Variants in MALAT1 observed in about 807,000 individuals in gnomAD.
The protein encoded by MALAT1 is hepcarcin.
chr11:65,497,743 C>T (rs768419261), exon 1 of MALAT1: 25 of 418,178 alleles, frequency 6.0e-5, no homozygotes, highest in Admixed American at 3.3e-4. Flanking sequence ...CCCTCCGCAG[C>T]CTGCAGCCCG....
At chr11:65,498,589 T>C (rs1041634314) in intron 1 of MALAT1, 1 of 518,694 alleles carries the variant, frequency 1.9e-6, no homozygotes, top group South Asian at 1.4e-5. Context: ...TCCGCCATTT[T>C]GCCACTTCTC....
chr11:65,500,025 G>A (rs1465468047), exon 3 of MALAT1: 1 of 429,650 alleles, frequency 2.3e-6, no homozygotes, highest in African/African-American at 2.1e-5. Context: ...TATTTTAAAA[G>A]CCCATCAATT....
exon 3 of MALAT1, chr11:65,501,844 GA>G (rs1565053181): frequency 1.9e-6 from 1 of 517,622 alleles, no homozygotes; most frequent in South Asian, 1.4e-5. Flanking sequence ...TATTAAAGGG[GA>G]GGGGCAAATA....
At chr11:65,498,018 T>C (rs763536601) in intron 1 of MALAT1, 5 of 518,862 alleles carry the variant, frequency 9.6e-6, no homozygotes, top group African/African-American at 5.8e-5. Flanking sequence ...AGTTTGGTCT[T>C]GGGGTTTGGA....
exon 3 of MALAT1, chr11:65,499,014 C>A (rs760118825): frequency 9.6e-6 from 5 of 518,690 alleles, no homozygotes; most frequent in Middle Eastern, 6.3e-4. Flanking sequence ...TGTTCTCCGT[C>A]TATAAATACG....
chr11:65,499,320 T>G (rs747140887), exon 3 of MALAT1: 44 of 506,784 alleles, frequency 8.7e-5, no homozygotes, highest in Middle Eastern at 6.3e-4. Context: ...AGATGAAGCT[T>G]CTTCATGGAG....
chr11:65,506,097 T>TA (rs11367099), intron 3 of MALAT1: 5,394 of 350,208 alleles, frequency 0.015, no homozygotes, highest in South Asian at 0.033. Context: ...TTTTCTAGCT[T>TA]AAAAAAAAAA....
At chr11:65,499,043 G>C (rs777094053) in exon 3 of MALAT1, 1 of 518,454 alleles carries the variant, frequency 1.9e-6, no homozygotes, top group Non-Finnish European at 3.9e-6. Context: ...GAGCTGTGCG[G>C]TAGGCATTGA....
chr11:65,497,922 G>T (rs1258536050), intron 1 of MALAT1: 1 of 518,836 alleles, frequency 1.9e-6, no homozygotes, highest in Admixed American at 1.9e-5. Context: ...TTGGGACGCA[G>T]CGACGAGTTG....
At chr11:65,503,585 C>T (rs776907771) in exon 3 of MALAT1, 12 of 512,118 alleles carry the variant, frequency 2.3e-5, no homozygotes, top group Non-Finnish European at 4.3e-5. Flanking sequence ...GTGTAGAAAA[C>T]CATTAAATCA....
exon 3 of MALAT1, chr11:65,502,655 C>A: frequency 2.1e-6 from 1 of 482,676 alleles, no homozygotes; most frequent in South Asian, 1.5e-5. Context: ...CAGATAACAT[C>A]TTCTGAGTCA....
At chr11:65,501,024 C>G (rs771183826) in exon 3 of MALAT1, 1 of 506,318 alleles carries the variant, frequency 2.0e-6, no homozygotes, top group South Asian at 1.5e-5. Flanking sequence ...TTTTTTTACA[C>G]GAATTTGAGG....
At chr11:65,499,807 CAA>C (rs572753706) in exon 3 of MALAT1, 1 of 416,876 alleles carries the variant, frequency 2.4e-6, no homozygotes, top group South Asian at 1.8e-5. Context: ...AGCTAGGAAA[CAA>C]AAAGCTAAGG....
chr11:65,506,117 G>T (rs1373362408), intron 3 of MALAT1: 1 of 400,248 alleles, frequency 2.5e-6, no homozygotes, highest in Admixed American at 3.3e-5. Flanking sequence ...AAAAGCAAAA[G>T]ATGCTGGTGG....
At chr11:65,501,653 C>T (rs1488876440) in exon 3 of MALAT1, 1 of 518,994 alleles carries the variant, frequency 1.9e-6, no homozygotes, top group Middle Eastern at 3.2e-4. Context: ...GCTGTTGGCA[C>T]GAACACCTTC....
At chr11:65,498,453 G>T (rs1422866271) in intron 1 of MALAT1, 1 of 518,584 alleles carries the variant, frequency 1.9e-6, no homozygotes, top group Admixed American at 1.9e-5. Context: ...TCCAAGAGTG[G>T]GTTTTCACGT....
At chr11:65,504,333 A>G in intron 3 of MALAT1, 1 of 512,514 alleles carries the variant, frequency 2.0e-6, no homozygotes, top group South Asian at 1.4e-5. Context: ...CAGACTTCAC[A>G]GAGAATGCAG....
chr11:65,499,060 C>T (rs752587609), exon 3 of MALAT1: 8 of 517,864 alleles, frequency 1.5e-5, no homozygotes, highest in African/African-American at 7.7e-5. Context: ...TTGAGGCAGC[C>T]AGCGCAGGGG....
chr11:65,502,809 T>C (rs760436817), exon 3 of MALAT1: 21 of 511,942 alleles, frequency 4.1e-5, no homozygotes, highest in South Asian at 1.8e-4. Context: ...ATGAGAACAT[T>C]ATCTGCATAT....
Sources: gnomAD v4.1 joint callset for allele counts on GRCh38, gnomAD v4.1.1 for gene constraint, MANE v1.5 for transcripts, NCBI Gene and HGNC (gene_info 2026-07-23, HGNC 2026-07-21) for gene names.